Variants in ITIH5 observed in about 807,000 individuals in gnomAD.
ITIH5 encodes inter-alpha-trypsin inhibitor heavy chain 5, also known as inter-alpha-trypsin inhibitor heavy chain H5.
A neutral mutation model predicts 77.5 loss-of-function variants in ITIH5; 65 were observed. That is an observed-to-expected ratio of 0.84 (90% CI 0.69 to 1.03). The LOEUF (loss-of-function observed/expected upper bound fraction) is 1.03, where lower values mean the gene tolerates loss of function less well. ITIH5 is among the 50% of genes least tolerant of loss of function. ITIH5 has a pLI of 0.00. For missense variants in ITIH5, 1,208 were observed against 1,213.1 expected (o/e 1.00, Z 0.06); for synonymous variants, 525 against 494.3 (o/e 1.06, Z -0.82).
At chr10:7,602,580 C>T in intron 7 of ITIH5, among the ~76,000 whole-genome samples, 1 of 152,196 alleles carries the variant, frequency 6.6e-6, no homozygotes, top group Admixed American at 6.5e-5. Flanking sequence ...GTTCCTGCTT[C>T]TCCTTTGCCT....
intron 5 of ITIH5, among the ~76,000 whole-genome samples, chr10:7,635,860 C>T (rs1833790532): frequency 6.6e-6 from 1 of 152,224 alleles, no homozygotes; most frequent in South Asian, 2.1e-4. Flanking sequence ...CCCTAAATAC[C>T]CTGGTCCAAG....
intron 2 of ITIH5, among the ~76,000 whole-genome samples, chr10:7,652,740 T>C (rs912804876): frequency 2.6e-5 from 4 of 152,180 alleles, no homozygotes. Flanking sequence ...CACTTTTATG[T>C]GGCAAACATA....
chr10:7,607,519 A>G (rs1833149085), intron 7 of ITIH5, among the ~76,000 whole-genome samples: 1 of 152,228 alleles, frequency 6.6e-6, no homozygotes, highest in South Asian at 2.1e-4. Context: ...GAAACTTGGA[A>G]AAATGAATCT....
intron 2 of ITIH5, among the ~76,000 whole-genome samples, chr10:7,649,284 C>A (rs1588427753): frequency 6.6e-6 from 1 of 150,888 alleles, no homozygotes; most frequent in East Asian, 2.0e-4. Flanking sequence ...TCTTCTTATT[C>A]TTTCTTCTTC....
chr10:7,637,163 C>T (rs2131073193), intron 5 of ITIH5, 65 bp downstream of exon 5: 1 of 1,545,724 alleles, frequency 6.5e-7, no homozygotes, highest in Non-Finnish European at 8.7e-7. Flanking sequence ...CAGATTTCTC[C>T]GAAGCCAAGG....
chr10:7,624,410 G>C (rs1445451769), intron 5 of ITIH5, among the ~76,000 whole-genome samples: 1 of 152,096 alleles, frequency 6.6e-6, no homozygotes, highest in African/African-American at 2.4e-5. Context: ...GGGAGGCTGA[G>C]GCAGGAGAAT....
chr10:7,655,084 T>C (rs929401250), intron 2 of ITIH5, among the ~76,000 whole-genome samples: 14 of 152,196 alleles, frequency 9.2e-5, no homozygotes, highest in African/African-American at 3.1e-4. Context: ...CTAGGATAAA[T>C]GCCTCACCAG....
In ITIH5 at chr10:7,595,337, A is replaced by G. The variant is rs565365609; in HGVS notation, c.940-9268T>C. Among the ~76,000 whole-genome samples the G allele has an allele frequency of 9.8e-5, 7 of 71,554 alleles. No individual in the cohort carries two copies. The South Asian group carries it at 3.6e-3, about 37-fold the overall frequency. 46.9% of individuals were successfully genotyped at this position (71,554 alleles called of 152,430 possible). On this transcript the variant is annotated intron_variant, in intron 7 of 13. Transcript: ENST00000397146. ...CCAGATAGATACACTTAGTAAACGG[A>G]AAGAATATATTTCTTACTATTCGGG...
At chr10:7,598,845 A>T (rs1346267314) in intron 7 of ITIH5, among the ~76,000 whole-genome samples, 1 of 152,214 alleles carries the variant, frequency 6.6e-6, no homozygotes, top group East Asian at 1.9e-4. Flanking sequence ...AACTTTTTTT[A>T]AAAAGGCTGA....
At chr10:7,651,274 C>T (rs1419795376) in intron 2 of ITIH5, among the ~76,000 whole-genome samples, 1 of 152,106 alleles carries the variant, frequency 6.6e-6, no homozygotes, top group Middle Eastern at 3.2e-3. Context: ...CACATCCAAC[C>T]ATCTCCCATA....
chr10:7,658,937 T>C (rs1261700563), intron 1 of ITIH5, among the ~76,000 whole-genome samples: 1 of 152,178 alleles, frequency 6.6e-6, no homozygotes, highest in African/African-American at 2.4e-5. Flanking sequence ...CCACTTCCCG[T>C]GACGGTCTGA....
Position 7,637,358 on chromosome 10 carries a change from G to T in ITIH5, c.522C>A (p.Ile174=), listed in dbSNP as rs758614062. ...CGGACAGCTGCTGGGGCCGCACGCT[G>T]ATGCTGTGCTCGTACTTGCCCAGGC... The part of the protein sequence containing the change: ...QRRLGKYEHS[I]SVRPQQLSGR... The change falls in exon 5 of 14, where the codon ATC becomes ATA. Residue 174 remains isoleucine, a synonymous_variant. Transcript: ENST00000397146. 1 of 1,614,222 alleles carries T rather than the reference G, an allele frequency of 6.2e-7. No homozygotes were observed. Among genetic ancestry groups the T allele is most frequent in the South Asian group, 1.1e-5 (1 of 91,088 alleles).
intron 2 of ITIH5, among the ~76,000 whole-genome samples, chr10:7,647,394 G>C (rs1334724): frequency 0.13 from 20,423 of 152,168 alleles, 1,561 homozygotes; most frequent in East Asian, 0.3. Context: ...GCAGGAAGCT[G>C]CACTGCCCCC....
chr10:7,639,166 A>G (rs934119527), intron 4 of ITIH5, among the ~76,000 whole-genome samples: 5 of 152,234 alleles, frequency 3.3e-5, no homozygotes, highest in African/African-American at 9.6e-5. Context: ...AAGGGAGACC[A>G]CATACCAGAG....
At position 7,666,857 on chromosome 10, in the gene ITIH5, G is replaced by A. The variant is rs1834371704; in HGVS notation, c.36C>T (p.Ser12=). 5.0e-6 allele frequency: 8 copies of A among 1,607,934 alleles called. No individual in the cohort carries two copies. Among genetic ancestry groups the A allele is most frequent in the Non-Finnish European group, 5.9e-6 (7 of 1,177,820 alleles). Residue 12 remains serine (S), a synonymous_variant, in exon 1 of 14, where the codon TCC becomes TCT. Coordinates refer to ENST00000397146, the MANE Select transcript of ITIH5 (RefSeq NM_030569.7). ...CCTCTTCCTGCGACCCCACACACAGGGACAGCCCCAGGCACAGCCCCAGCA... is the reference window on the plus strand; with the variant it reads ...CCTCTTCCTGCGACCCCACACACAGAGACAGCCCCAGGCACAGCCCCAGCA... ...LLLLGLCLGL[S]LCVGSQEEAQ...
At chr10:7,563,630 G>A (rs552344912) in intron 13 of ITIH5, among the ~76,000 whole-genome samples, 2 of 152,350 alleles carry the variant, frequency 1.3e-5, no homozygotes, top group South Asian at 4.1e-4. Flanking sequence ...AGAAAGTTGT[G>A]TAACCTACAC....
At chr10:7,577,117 T>C in intron 9 of ITIH5, 105 bp from the exon 10 acceptor site, 1 of 960,680 alleles carries the variant, frequency 1.0e-6, no homozygotes, top group South Asian at 1.8e-5. Flanking sequence ...GCATCTGATT[T>C]TAGAAGCAAT....
At chr10:7,586,836 T>G (rs900693833) in intron 7 of ITIH5, among the ~76,000 whole-genome samples, 1 of 130,794 alleles carries the variant, frequency 7.6e-6, no homozygotes, top group Non-Finnish European at 1.6e-5. Flanking sequence ...GGCATTCTTC[T>G]TATTTTTTTT....
chr10:7,598,082 G>C (rs915723321), intron 7 of ITIH5, among the ~76,000 whole-genome samples: 13 of 152,178 alleles, frequency 8.5e-5, no homozygotes, highest in African/African-American at 3.1e-4. Context: ...ATTGACTATA[G>C]TGTAAGAGTG....
Sources: gnomAD v4.1 joint callset for allele counts (sites outside exome capture counted in the v4.1 genomes callset) on GRCh38, gnomAD v4.1.1 for gene constraint, MANE v1.5 for transcripts, NCBI Gene and HGNC (gene_info 2026-07-23, HGNC 2026-07-21) for gene names.